Variants in SEC23A observed in about 807,000 individuals in gnomAD.
The protein encoded by SEC23A is SEC23 homolog A, COPII component.
Under a neutral mutation model 103.7 loss-of-function variants are expected in SEC23A, and 56 were observed. That is an observed-to-expected ratio of 0.54 (90% CI 0.44 to 0.67). The LOEUF is 0.67. SEC23A is among the 30% of genes least tolerant of loss of function. The pLI, the probability that SEC23A is intolerant of heterozygous loss-of-function variation, is 0.00. For missense variants in SEC23A, 784 were observed against 936.4 expected (o/e 0.84, Z 2.12); for synonymous variants, 281 against 293.0 (o/e 0.96, Z 0.42).
intron 9 of SEC23A, among the ~76,000 whole-genome samples, chr14:39,067,843 G>GT (rs889858421): frequency 6.6e-5 from 10 of 151,338 alleles, no homozygotes; most frequent in African/African-American, 2.4e-4. Context: ...TAATTTTTTT[G>GT]TTTTTTTGTA....
intron 7 of SEC23A, among the ~76,000 whole-genome samples, chr14:39,082,621 A>C (rs1887267035): frequency 6.6e-6 from 1 of 150,472 alleles, no homozygotes; most frequent in African/African-American, 2.5e-5. Flanking sequence ...TTTATTAATT[A>C]CAAAGGGGTA....
rs187463868 is a variant in SEC23A at position 39,080,569 on chromosome 14, C to T, written c.829-4476G>A. On this transcript the variant is annotated intron_variant, in intron 7 of 19. Transcript: ENST00000307712. ...TACAGGCGTGTGCCACCGCCCCCGG[C>T]TAATTTTTGTATTTTTAGTAGAGAT... Among the ~76,000 whole-genome samples the T allele has an allele frequency of 8.8e-3, 1,336 of 152,210 alleles. 22 individuals are homozygous for T. Among genetic ancestry groups the T allele is most frequent in the African/African-American group, 0.031 (1,267 of 41,532 alleles).
intron 14 of SEC23A, among the ~76,000 whole-genome samples, chr14:39,054,011 A>C (rs1886157643): frequency 6.6e-6 from 1 of 152,172 alleles, no homozygotes; most frequent in Admixed American, 6.5e-5. Context: ...ATGGTGGCTC[A>C]TGCCTGTAAT....
chr14:39,093,098 A>C (rs1293590752), intron 3 of SEC23A, 89 bp downstream of exon 3: 3 of 994,096 alleles, frequency 3.0e-6, no homozygotes, highest in Middle Eastern at 4.2e-4. Flanking sequence ...CAATCTCCTG[A>C]CCTCGTGATC....
chr14:39,060,434 T>C (rs901306041), intron 13 of SEC23A, among the ~76,000 whole-genome samples: 3 of 152,164 alleles, frequency 2.0e-5, no homozygotes, highest in Non-Finnish European at 4.4e-5. Flanking sequence ...AGAGTTTAAG[T>C]ACACTTAATG....
At chr14:39,099,208 G>A (rs1888000329) in intron 1 of SEC23A, among the ~76,000 whole-genome samples, 1 of 142,302 alleles carries the variant, frequency 7.0e-6, no homozygotes, top group Non-Finnish European at 1.5e-5. Flanking sequence ...CACCAGGCTG[G>A]AGTGCAGTGG....
chr14:39,060,108 T>C (rs944067922), intron 13 of SEC23A, among the ~76,000 whole-genome samples: 3 of 151,570 alleles, frequency 2.0e-5, no homozygotes, highest in Non-Finnish European at 4.4e-5. Flanking sequence ...CACACATGTG[T>C]GTGTGTGTGC....
chr14:39,082,224 T>C (rs556371350), intron 7 of SEC23A, among the ~76,000 whole-genome samples: 1 of 151,808 alleles, frequency 6.6e-6, no homozygotes, highest in African/African-American at 2.4e-5. Flanking sequence ...CCAGTGTGTA[T>C]TCTGTATGTA....
intron 6 of SEC23A, 87 bp downstream of exon 6, chr14:39,086,842 T>C (rs1594478239): frequency 3.8e-6 from 3 of 782,024 alleles, no homozygotes; most frequent in Non-Finnish European, 7.0e-6. Flanking sequence ...TTTAACAATA[T>C]AGTATCACTG....
At chr14:39,094,608 C>A (rs1887824086) in intron 2 of SEC23A, among the ~76,000 whole-genome samples, 3 of 151,488 alleles carry the variant, frequency 2.0e-5, no homozygotes. Flanking sequence ...GAAAACAAAG[C>A]AGAATGTGAG....
At chr14:39,089,322 A>G (rs1200186428) in intron 5 of SEC23A, among the ~76,000 whole-genome samples, 1 of 152,174 alleles carries the variant, frequency 6.6e-6, no homozygotes, top group Non-Finnish European at 1.5e-5. Flanking sequence ...TAAATGTACA[A>G]TTCATTTAAT....
intron 3 of SEC23A, 73 bp downstream of exon 3, chr14:39,093,114 G>A (rs536977111): frequency 2.3e-4 from 277 of 1,202,316 alleles, no homozygotes; most frequent in Non-Finnish European, 3.2e-4. Context: ...TGATCCACCC[G>A]CCTCGGCCTC....
At chr14:39,037,835 C>G (rs1885508188) in intron 19 of SEC23A, among the ~76,000 whole-genome samples, 1 of 152,224 alleles carries the variant, frequency 6.6e-6, no homozygotes, top group South Asian at 2.1e-4. Context: ...AACTTCTAAT[C>G]AAGTCCTATT....
At chr14:39,055,327 T>G in intron 13 of SEC23A, 31 bp from the exon 14 acceptor site, 1 of 1,610,044 alleles carries the variant, frequency 6.2e-7, no homozygotes, top group Non-Finnish European at 8.5e-7. Context: ...TAGAAATGCT[T>G]CTGAATTATT....
rs1396765697 is a variant in SEC23A, at chr14:39,098,288, G to A, written c.-21-2149C>T. ...AACAACCAGGACGTGGGGGTGAGGG[G>A]GAGATTAGAAATCCAGTTTTTAGCA... On this transcript the variant is annotated intron_variant, in intron 1 of 19. Coordinates refer to ENST00000307712, the MANE Select transcript of SEC23A (RefSeq NM_006364.4). 5.1e-4 allele frequency among the ~76,000 whole-genome samples: 78 copies of A among 151,872 alleles called. 1 individual carries two copies. The highest frequency in any genetic ancestry group is 8.8e-5 in the Non-Finnish European group (6 of 67,988).
intron 18 of SEC23A, 68 bp from the exon 19 acceptor site, chr14:39,039,164 A>G (rs1465905053): frequency 8.1e-7 from 1 of 1,237,748 alleles, no homozygotes; most frequent in East Asian, 2.3e-5. Flanking sequence ...CTGAATAATT[A>G]TATCATGCAA....
intron 5 of SEC23A, chr14:39,088,600 G>A (rs941554502): frequency 6.6e-6 from 1 of 152,214 alleles, no homozygotes. Flanking sequence ...AGGCATGGTG[G>A]TATGCTCCTG....
intron 1 of SEC23A, among the ~76,000 whole-genome samples, chr14:39,102,435 T>C (rs920108901): frequency 1.3e-5 from 2 of 152,148 alleles, no homozygotes; most frequent in African/African-American, 4.8e-5. Flanking sequence ...ACTTCAGTGA[T>C]TGATGTAGAT....
intron 2 of SEC23A, 28 bp from the exon 3 acceptor site, chr14:39,093,272 T>A: frequency 7.0e-6 from 11 of 1,573,800 alleles, no homozygotes; most frequent in Non-Finnish European, 9.6e-6. Flanking sequence ...AAAAGACATA[T>A]CAGTTCATAT....
Sources: gnomAD v4.1 joint callset for allele counts (sites outside exome capture counted in the v4.1 genomes callset) on GRCh38, gnomAD v4.1.1 for gene constraint, MANE v1.5 for transcripts, NCBI Gene and HGNC (gene_info 2026-07-23, HGNC 2026-07-21) for gene names.